Variants in HS3ST4 observed in about 807,000 individuals in gnomAD.
The protein encoded by HS3ST4 is heparan sulfate glucosamine 3-O-sulfotransferase 4.
A neutral mutation model predicts 29.2 loss-of-function variants in HS3ST4; 17 were observed. The observed-to-expected ratio is 0.58, with a 90% CI of 0.40 to 0.87. HS3ST4 has a LOEUF of 0.87. HS3ST4 is among the 40% of genes least tolerant of loss of function. The probability of loss-of-function intolerance (pLI) is 0.00; values close to 1 mark genes in which losing one functional copy is unlikely to be tolerated. For synonymous variants in HS3ST4, 314 were observed against 285.7 expected, an observed-to-expected ratio of 1.10 and a Z score of -1.00; for missense variants, 627 against 634.5, an observed-to-expected ratio of 0.99 and a Z score of 0.13.
At chr16:25,883,214 G>A (rs748860315) in intron 1 of HS3ST4, among the ~76,000 whole-genome samples, 106 of 143,704 alleles carry the variant, frequency 7.4e-4, no homozygotes, top group Admixed American at 1.7e-3. Flanking sequence ...ATTTTTCTAC[G>A]CCTATTAGTT....
chr16:25,694,166 AAC>A (rs1966276643), intron 1 of HS3ST4, among the ~76,000 whole-genome samples: 1 of 152,212 alleles, frequency 6.6e-6, no homozygotes, highest in Non-Finnish European at 1.5e-5. Flanking sequence ...GTCAAACAGA[AAC>A]ACAGCCTTTG....
At chr16:25,968,667 G>T (rs1001289288) in intron 1 of HS3ST4, among the ~76,000 whole-genome samples, 2 of 152,114 alleles carry the variant, frequency 1.3e-5, no homozygotes, top group Non-Finnish European at 1.5e-5. Flanking sequence ...TGTGACATTG[G>T]ACTAATTAGT....
At chr16:25,832,303 T>C (rs957922132) in intron 1 of HS3ST4, among the ~76,000 whole-genome samples, 3 of 152,080 alleles carry the variant, frequency 2.0e-5, no homozygotes, top group Middle Eastern at 3.2e-3. Flanking sequence ...AGAAAGTTTG[T>C]TCTCAAATGC....
At chr16:25,812,707 T>TC (rs1049343655) in intron 1 of HS3ST4, among the ~76,000 whole-genome samples, 9 of 151,590 alleles carry the variant, frequency 5.9e-5, no homozygotes, top group African/African-American at 1.7e-4. Context: ...TACTTCCTTT[T>TC]TTTTTTTTGT....
chr16:25,706,012 T>C (rs1966373503), intron 1 of HS3ST4, among the ~76,000 whole-genome samples: 1 of 152,228 alleles, frequency 6.6e-6, no homozygotes, highest in African/African-American at 2.4e-5. Flanking sequence ...CAAGCACTCT[T>C]ATAAAGTTAG....
At chr16:26,116,035 C>T (rs905678302) in intron 1 of HS3ST4, among the ~76,000 whole-genome samples, 1 of 152,230 alleles carries the variant, frequency 6.6e-6, no homozygotes, top group Non-Finnish European at 1.5e-5. Flanking sequence ...TCCTCTGCTT[C>T]AGGGTCTCTT....
chr16:25,908,566 G>A (rs993943415), intron 1 of HS3ST4, among the ~76,000 whole-genome samples: 3 of 152,208 alleles, frequency 2.0e-5, no homozygotes, highest in Non-Finnish European at 2.9e-5. Context: ...TGTCCAGTGA[G>A]GAATGACTGA....
chr16:25,951,696 T>A (rs577023949), intron 1 of HS3ST4, among the ~76,000 whole-genome samples: 4 of 152,188 alleles, frequency 2.6e-5, no homozygotes, highest in Non-Finnish European at 5.9e-5. Context: ...TGCTGCTTTA[T>A]AACAAAAACA....
chr16:25,956,871 G>T (rs191078955), intron 1 of HS3ST4, among the ~76,000 whole-genome samples: 2 of 151,868 alleles, frequency 1.3e-5, no homozygotes, highest in African/African-American at 2.4e-5. Context: ...GGTGGTGGGC[G>T]CATGTAATCT....
intron 1 of HS3ST4, among the ~76,000 whole-genome samples, chr16:25,955,298 G>A (rs976574104): frequency 3.3e-5 from 5 of 152,148 alleles, no homozygotes; most frequent in African/African-American, 1.2e-4. Flanking sequence ...TAGGCTAGGG[G>A]ACAAGACAAG....
chr16:25,985,924 A>G (rs1054516100), intron 1 of HS3ST4, among the ~76,000 whole-genome samples: 5 of 152,164 alleles, frequency 3.3e-5, no homozygotes, highest in African/African-American at 1.2e-4. Context: ...TCCTCATGGT[A>G]TCTTCCTGCC....
chr16:25,750,932 T>C (rs1966714945), intron 1 of HS3ST4, among the ~76,000 whole-genome samples: 1 of 152,176 alleles, frequency 6.6e-6, no homozygotes, highest in Admixed American at 6.5e-5. Flanking sequence ...TTATTTCATT[T>C]AGATTGTTGT....
chr16:25,945,802 C>A (rs895904342), intron 1 of HS3ST4, among the ~76,000 whole-genome samples: 1 of 152,204 alleles, frequency 6.6e-6, no homozygotes, highest in African/African-American at 2.4e-5. Context: ...TGTAACAACC[C>A]ACCTTTCCAT....
intron 1 of HS3ST4, among the ~76,000 whole-genome samples, chr16:26,058,232 A>G (rs1016474938): frequency 2.0e-5 from 3 of 152,352 alleles, no homozygotes; most frequent in South Asian, 2.1e-4. Flanking sequence ...GGGCTGAGCC[A>G]GGGGCTGCAC....
intron 1 of HS3ST4, among the ~76,000 whole-genome samples, chr16:25,794,327 T>C (rs1188920800): frequency 6.6e-6 from 1 of 152,160 alleles, no homozygotes; most frequent in Non-Finnish European, 1.5e-5. Flanking sequence ...CTTTCTTTAT[T>C]TCTTCTTGCA....
At chr16:25,713,040 T>C (rs1966427690) in intron 1 of HS3ST4, among the ~76,000 whole-genome samples, 1 of 149,950 alleles carries the variant, frequency 6.7e-6, no homozygotes, top group Non-Finnish European at 1.5e-5. Flanking sequence ...CTCATTTAAA[T>C]GTTTTTTTTA....
chr16:26,024,544 C>G (rs929557984), intron 1 of HS3ST4, among the ~76,000 whole-genome samples: 11 of 152,054 alleles, frequency 7.2e-5, no homozygotes, highest in African/African-American at 2.7e-4. Flanking sequence ...CCAGCCTGGC[C>G]AATATGGTGA....
intron 1 of HS3ST4, among the ~76,000 whole-genome samples, chr16:26,124,859 T>C (rs558549408): frequency 6.6e-6 from 1 of 152,370 alleles, no homozygotes; most frequent in South Asian, 2.1e-4. Flanking sequence ...TGAAAAGCTA[T>C]GAGCCAACCT....
At chr16:25,699,632 A>AT in intron 1 of HS3ST4, among the ~76,000 whole-genome samples, 1 of 152,338 alleles carries the variant, frequency 6.6e-6, no homozygotes, top group South Asian at 2.1e-4. Flanking sequence ...TGATGAAGGT[A>AT]TTTTAACTCC....
Sources: gnomAD v4.1 joint callset for allele counts (sites outside exome capture counted in the v4.1 genomes callset) on GRCh38, gnomAD v4.1.1 for gene constraint, MANE v1.5 for transcripts, NCBI Gene and HGNC (gene_info 2026-07-23, HGNC 2026-07-21) for gene names.